The following TLK1 variants were observed in gnomAD, a reference collection of about 807,000 sequenced individuals.
The protein encoded by TLK1 is tousled like kinase 1.
In TLK1, 24 loss-of-function variants were observed where a neutral mutation model predicts 105.3. That is an observed-to-expected ratio of 0.23 (90% confidence interval 0.17 to 0.32). The LOEUF (loss-of-function observed/expected upper bound fraction) is 0.32. Ranked by LOEUF, TLK1 falls within the 10% of genes least tolerant of loss-of-function variation. The pLI is 1.00. For synonymous variants in TLK1, 321 were observed against 310.4 expected (o/e 1.03, Z -0.36); for missense variants, 558 against 910.5 (o/e 0.61, Z 4.98).
intron 1 of TLK1, among the ~76,000 whole-genome samples, chr2:171,213,650 C>T (rs549292513): frequency 1.3e-4 from 19 of 150,776 alleles, no homozygotes; most frequent in Non-Finnish European, 2.2e-4. Flanking sequence ...ATTAGCTGGG[C>T]ATGATGGCAT....
chr2:171,201,950 A>G (rs955463673), intron 1 of TLK1, among the ~76,000 whole-genome samples: 5 of 149,398 alleles, frequency 3.3e-5, no homozygotes, highest in Admixed American at 6.7e-5. Flanking sequence ...TCTATCATCA[A>G]TCATATCTAT....
intron 1 of TLK1, among the ~76,000 whole-genome samples, chr2:171,133,322 G>C (rs1691177827): frequency 6.6e-6 from 1 of 152,126 alleles, no homozygotes; most frequent in Admixed American, 6.6e-5. Context: ...ACTGAATTCA[G>C]GCGCAGGCTC....
intron 3 of TLK1, among the ~76,000 whole-genome samples, chr2:171,077,229 A>G (rs1247441210): frequency 6.6e-6 from 1 of 152,158 alleles, no homozygotes. Context: ...CATCTACCCC[A>G]ATTCAGGGGA....
chr2:171,081,955 T>C (rs554972315), intron 3 of TLK1, among the ~76,000 whole-genome samples: 1 of 151,228 alleles, frequency 6.6e-6, no homozygotes, highest in East Asian at 1.9e-4. Flanking sequence ...ACTAACCAAG[T>C]AGAAAAAAGT....
intron 1 of TLK1, among the ~76,000 whole-genome samples, chr2:171,175,066 T>C (rs2105304545): frequency 6.6e-6 from 1 of 152,144 alleles, no homozygotes; most frequent in East Asian, 1.9e-4. Context: ...CCCGTCTCTA[T>C]ACAAAATGGA....
chr2:171,099,261 T>C (rs1689587130), intron 2 of TLK1, among the ~76,000 whole-genome samples: 1 of 152,014 alleles, frequency 6.6e-6, no homozygotes, highest in Non-Finnish European at 1.5e-5. Flanking sequence ...TCATTTACAA[T>C]ACTATCAAAA....
chr2:171,172,607 G>A (rs954838695), intron 1 of TLK1, among the ~76,000 whole-genome samples: 1 of 152,126 alleles, frequency 6.6e-6, no homozygotes, highest in Non-Finnish European at 1.5e-5. Context: ...CCTCCGTGCT[G>A]TTCTTGTGAT....
chr2:171,033,660 A>G (rs1686161179), intron 11 of TLK1, among the ~76,000 whole-genome samples: 1 of 151,320 alleles, frequency 6.6e-6, no homozygotes, highest in Non-Finnish European at 1.5e-5. Flanking sequence ...TGCCTGTATC[A>G]TAATATATCA....
At chr2:171,006,055 G>T in intron 18 of TLK1, 92 bp downstream of exon 18, 1 of 1,282,328 alleles carries the variant, frequency 7.8e-7, no homozygotes, top group Non-Finnish European at 1.0e-6. Context: ...TAATCTTAAT[G>T]GCTACATGGA....
chr2:171,134,030 G>C (rs1575618535), intron 1 of TLK1, among the ~76,000 whole-genome samples: 1 of 151,878 alleles, frequency 6.6e-6, no homozygotes, highest in African/African-American at 2.4e-5. Flanking sequence ...ATTGTTATGT[G>C]CCCAGCCACA....
chr2:171,197,997 A>T (rs971620392), intron 1 of TLK1, among the ~76,000 whole-genome samples: 2 of 152,174 alleles, frequency 1.3e-5, no homozygotes, highest in Non-Finnish European at 2.9e-5. Context: ...GATAGACATG[A>T]TGTGTCCATT....
At chr2:171,192,839 C>A (rs185392442) in intron 1 of TLK1, among the ~76,000 whole-genome samples, 3 of 152,230 alleles carry the variant, frequency 2.0e-5, no homozygotes, top group African/African-American at 7.2e-5. Flanking sequence ...GATGACTGTT[C>A]TAGTCATTCA....
At chr2:171,217,975 C>T (rs567941628) in intron 1 of TLK1, among the ~76,000 whole-genome samples, 2 of 152,190 alleles carry the variant, frequency 1.3e-5, no homozygotes, top group South Asian at 2.1e-4. Flanking sequence ...AGAGTAAGGC[C>T]GGGCATGGTG....
At chr2:170,994,919 C>A (rs557014920) in intron 20 of TLK1, among the ~76,000 whole-genome samples, 1 of 152,192 alleles carries the variant, frequency 6.6e-6, no homozygotes, top group South Asian at 2.1e-4. Context: ...TTTCTTAATG[C>A]TGACACTAGA....
Position 171,006,299 on chromosome 2 carries a change from A to C in TLK1, c.1769-17T>G. On this transcript the variant is annotated splice_polypyrimidine_tract_variant and intron_variant, in intron 17 of 20. Coordinates refer to ENST00000431350, the MANE Select transcript of TLK1 (RefSeq NM_012290.5). ...GGATGTTTCCTAAGAATAAAATATA[A>C]GATTCTTTTAATGATACATACATGA... is the stretch of plus-strand genomic sequence containing the variant. The C allele has an allele frequency of 6.4e-7, 1 of 1,568,864 alleles. No individual in the cohort carries two copies. The highest frequency in any genetic ancestry group is 8.6e-7 in the Non-Finnish European group (1 of 1,163,086).
chr2:171,064,194 A>G (rs1221306211), intron 3 of TLK1, among the ~76,000 whole-genome samples: 1 of 152,230 alleles, frequency 6.6e-6, no homozygotes, highest in Non-Finnish European at 1.5e-5. Context: ...CAGGACTAAA[A>G]TTAATTTTAA....
intron 1 of TLK1, among the ~76,000 whole-genome samples, chr2:171,128,846 C>A (rs1257056449): frequency 6.6e-6 from 1 of 151,876 alleles, no homozygotes; most frequent in East Asian, 1.9e-4. Context: ...AACATATAGT[C>A]CTGATTTTAA....
chr2:171,018,956 T>C (rs1685339831), intron 12 of TLK1, among the ~76,000 whole-genome samples: 1 of 152,038 alleles, frequency 6.6e-6, no homozygotes, highest in South Asian at 2.1e-4. Flanking sequence ...AAAACTACAA[T>C]GGAAAATTTA....
chr2:171,127,624 T>G (rs1690924385), intron 1 of TLK1, among the ~76,000 whole-genome samples: 1 of 152,158 alleles, frequency 6.6e-6, no homozygotes, highest in Non-Finnish European at 1.5e-5. Flanking sequence ...TACATTTTTT[T>G]CTAATGATTT....
Sources: gnomAD v4.1 joint callset for allele counts (sites outside exome capture counted in the v4.1 genomes callset) on GRCh38, gnomAD v4.1.1 for gene constraint, MANE v1.5 for transcripts, NCBI Gene and HGNC (gene_info 2026-07-23, HGNC 2026-07-21) for gene names.